Variants in CHST15 observed in about 807,000 individuals in gnomAD.
CHST15 encodes B cell RAG associated protein (GALNAC4S-6ST).
In CHST15, 30 loss-of-function variants were observed where a neutral mutation model predicts 53.6. The ratio of observed to expected loss-of-function variants is 0.56; its 90% CI spans 0.42 to 0.76. The LOEUF (loss-of-function observed/expected upper bound fraction) is 0.76, where lower values mean the gene tolerates loss of function less well. Ranked by LOEUF, CHST15 falls within the 30% of genes least tolerant of loss-of-function variation. The pLI is 0.00. For missense variants in CHST15, 627 were observed against 740.5 expected (o/e 0.85, Z 1.78); for synonymous variants, 296 against 289.8 (o/e 1.02, Z -0.22).
At chr10:124,027,077 T>TATTA (rs1467530966) in intron 5 of CHST15, among the ~76,000 whole-genome samples, 1 of 152,164 alleles carries the variant, frequency 6.6e-6, no homozygotes, top group Admixed American at 6.5e-5. Flanking sequence ...AACAGATGGG[T>TATTA]ATTACATTTG....
intron 5 of CHST15, among the ~76,000 whole-genome samples, chr10:124,025,378 C>T (rs1408811021): frequency 6.6e-6 from 1 of 152,218 alleles, no homozygotes; most frequent in African/African-American, 2.4e-5. Flanking sequence ...AGCCAGGCCA[C>T]GCTCCTTCCT....
chr10:124,047,810 T>C (rs1281230437), intron 1 of CHST15, among the ~76,000 whole-genome samples: 1 of 152,224 alleles, frequency 6.6e-6, no homozygotes, highest in Non-Finnish European at 1.5e-5. Context: ...ATGATGATTT[T>C]TCATTGTCAG....
At chr10:124,030,884 G>A (rs1166155391) in intron 5 of CHST15, among the ~76,000 whole-genome samples, 1 of 152,266 alleles carries the variant, frequency 6.6e-6, no homozygotes, top group East Asian at 1.9e-4. Flanking sequence ...TCCCTTCTGT[G>A]TGTGCTGGCT....
intron 1 of CHST15, among the ~76,000 whole-genome samples, chr10:124,080,794 G>C (rs572405613): frequency 6.6e-6 from 1 of 152,274 alleles, no homozygotes. Context: ...CCTGCACTAT[G>C]GGTCAAAGTT....
intron 1 of CHST15, among the ~76,000 whole-genome samples, chr10:124,091,750 G>T (rs1379011000): frequency 6.6e-6 from 1 of 151,734 alleles, no homozygotes; most frequent in Non-Finnish European, 1.5e-5. Flanking sequence ...GCAGGCAGAC[G>T]AAGAAGGGCC....
intron 2 of CHST15, among the ~76,000 whole-genome samples, chr10:124,045,123 A>ACC (rs779182482): frequency 8.0e-6 from 1 of 125,758 alleles, no homozygotes; most frequent in East Asian, 2.2e-4. Context: ...AAAAAAAAAA[A>ACC]AAAAAAAAAA....
intron 1 of CHST15, among the ~76,000 whole-genome samples, chr10:124,064,672 C>T (rs1342085194): frequency 1.3e-5 from 2 of 152,020 alleles, no homozygotes; most frequent in African/African-American, 4.8e-5. Context: ...CCCGAGCCCC[C>T]ACTCCTGCTG....
intron 1 of CHST15, among the ~76,000 whole-genome samples, chr10:124,061,742 AGGAC>A (rs1948580991): frequency 6.6e-6 from 1 of 152,264 alleles, no homozygotes; most frequent in Non-Finnish European, 1.5e-5. Context: ...CTAGGCCTCC[AGGAC>A]GTGAGTTCAC....
intron 5 of CHST15, among the ~76,000 whole-genome samples, chr10:124,033,021 C>A (rs1246801278): frequency 5.3e-5 from 8 of 152,198 alleles, no homozygotes; most frequent in Non-Finnish European, 5.9e-5. Flanking sequence ...ATCCAACTTG[C>A]AGCCAGCAAC....
intron 5 of CHST15, among the ~76,000 whole-genome samples, chr10:124,022,919 C>A (rs1043989660): frequency 4.3e-4 from 64 of 149,186 alleles, no homozygotes; most frequent in African/African-American, 1.5e-3. Flanking sequence ...TGGGTTCAAG[C>A]GATTCTCCTG....
intron 1 of CHST15, among the ~76,000 whole-genome samples, chr10:124,054,796 A>C (rs1948318538): frequency 6.6e-6 from 1 of 152,220 alleles, no homozygotes; most frequent in Non-Finnish European, 1.5e-5. Flanking sequence ...CAAAATGCTT[A>C]ACCCAGAGTC....
chr10:124,024,295 G>A lies in CHST15; in HGVS notation c.1191-2883C>T, dbSNP rs1224197338. Among the ~76,000 whole-genome samples the A allele has an allele frequency of 6.6e-6, 1 of 152,182 alleles. No homozygotes were observed. Among genetic ancestry groups the A allele is most frequent in the Admixed American group, 6.5e-5 (1 of 15,274 alleles). On this transcript the variant is annotated intron_variant, in intron 5 of 7. Coordinates refer to ENST00000435907, the MANE Select transcript of CHST15 (RefSeq NM_001270764.2). The surrounding 1 kb of genome is among the most constrained non-coding windows in gnomAD (Gnocchi z 4.0). Reference sequence around the variant, plus strand: ...ATGATATGAGGAGCAGCATTTCTTAGGGACAGGCCCAGAAGCTATCCACCT... The same window carrying A: ...ATGATATGAGGAGCAGCATTTCTTAAGGACAGGCCCAGAAGCTATCCACCT...
chr10:124,092,691 G>C (rs1746763720), intron 1 of CHST15, among the ~76,000 whole-genome samples: 1 of 152,206 alleles, frequency 6.6e-6, no homozygotes, highest in Admixed American at 6.5e-5. Context: ...CGGGGAGAGA[G>C]TGGCGGATGC....
intron 1 of CHST15, among the ~76,000 whole-genome samples, chr10:124,050,599 C>G (rs1028215256): frequency 6.6e-6 from 1 of 152,154 alleles, no homozygotes; most frequent in Admixed American, 6.5e-5. Context: ...GTCAGTGCCC[C>G]CTGGGGTGCA....
chr10:124,044,364 C>G (rs1293487856), intron 3 of CHST15, among the ~76,000 whole-genome samples: 2 of 152,194 alleles, frequency 1.3e-5, no homozygotes, highest in Non-Finnish European at 2.9e-5. Context: ...GACTCGTCCC[C>G]GTGTCCTGCA....
chr10:124,075,120 G>A (rs1425894081), intron 1 of CHST15, among the ~76,000 whole-genome samples: 1 of 152,238 alleles, frequency 6.6e-6, no homozygotes, highest in African/African-American at 2.4e-5. Context: ...TTTTGAAAGT[G>A]AAAACAATGA....
At chr10:124,051,591 G>T (rs1948199220) in intron 1 of CHST15, among the ~76,000 whole-genome samples, 1 of 152,172 alleles carries the variant, frequency 6.6e-6, no homozygotes, top group African/African-American at 2.4e-5. Context: ...TTAAACCAAA[G>T]GATTCAGGTA....
Position 124,010,275 on chromosome 10 carries a change from G to T in CHST15, c.1560C>A (p.Pro520=), listed in dbSNP as rs138009196. 1 of 1,613,568 alleles carries T rather than the reference G, an allele frequency of 6.2e-7. No homozygotes were observed. Among genetic ancestry groups the T allele is most frequent in the Non-Finnish European group, 8.5e-7 (1 of 1,179,828 alleles). ...TKSPASNARR[P]EDRNLGPMWP... is the part of the protein sequence containing the mutation. ...ACATGGGCCCCAGGTTCCGGTCCTC[G>T]GGACGCCGTGCATTGGATGCGGGGC... The change falls in exon 8 of 8, where the codon CCC becomes CCA. Residue 520 remains proline (P), a synonymous_variant. Coordinates refer to ENST00000435907, the MANE Select transcript of CHST15 (RefSeq NM_001270764.2).
In CHST15 at chr10:124,044,770, C is replaced by T; in HGVS notation, c.696G>A (p.Leu232=). The T allele has an allele frequency of 1.2e-6, 2 of 1,611,872 alleles. No homozygotes were observed. The highest frequency in any genetic ancestry group is 1.7e-6 in the Non-Finnish European group (2 of 1,178,960). The change falls in exon 3 of 8, where the codon CTG becomes CTA. Residue 232 remains leucine, a synonymous_variant. Transcript: ENST00000435907. ...CCAGGTGGCCCCAGAAGGCCTTGCG[C>T]AGGGCGTCGAAGGTGGAGCGGAAGC... is the stretch of plus-strand genomic sequence containing the variant. ...SKRFRSTFDA[L]RKAFWGHLAH... is the part of the protein sequence containing the mutation.
Sources: gnomAD v4.1 joint callset for allele counts (sites outside exome capture counted in the v4.1 genomes callset) on GRCh38, gnomAD v4.1.1 for gene constraint, Gnocchi (gnomAD v3.1) non-coding constraint, MANE v1.5 for transcripts, NCBI Gene and HGNC (gene_info 2026-07-23, HGNC 2026-07-21) for gene names.